The following PAPPA2 variants were observed in gnomAD, a reference collection of about 807,000 sequenced individuals.
The protein encoded by PAPPA2 is pappalysin 2, also known as pappalysin-2.
PAPPA2 carries 86 observed loss-of-function variants against 176.4 expected under a neutral mutation model. The ratio of observed to expected loss-of-function variants is 0.49; its 90% CI spans 0.41 to 0.58. PAPPA2 has a LOEUF of 0.58. Ranked by LOEUF, PAPPA2 falls within the 20% of genes least tolerant of loss-of-function variation. The pLI is 0.00. For synonymous variants in PAPPA2, 809 were observed against 852.2 expected, an observed-to-expected ratio of 0.95 and a Z score of 0.88; for missense variants, 2,073 against 2,256.9, an observed-to-expected ratio of 0.92 and a Z score of 1.65.
rs1256424020 is a variant in PAPPA2, at chr1:176,793,595, A to G, written c.5056A>G (p.Ser1686Gly). ...TTCCCCATTGTGTGTAATCCCCCCC[A>G]GTGACCCCGTGATGCTACCTGAGAA... ...VCSPLCVIPP[S>G]DPVMLPENIT... The change falls in exon 20 of 23, where the codon AGT (serine) becomes GGT (glycine). Residue 1686 changes from serine (S) to glycine (G), a missense_variant. By Grantham distance (56) the Ser-to-Gly change is moderately conservative. Transcript: ENST00000367662. 3 of 1,613,132 alleles carry G rather than the reference A, an allele frequency of 1.9e-6. No homozygotes were observed. The highest frequency in any genetic ancestry group is 1.7e-4 in the Middle Eastern group (1 of 6,044).
intron 2 of PAPPA2, among the ~76,000 whole-genome samples, chr1:176,564,857 A>AATT (rs1332545265): frequency 2.0e-5 from 3 of 151,868 alleles, no homozygotes; most frequent in East Asian, 3.9e-4. Flanking sequence ...TATCTCAATC[A>AATT]ATTATCTCAA....
chr1:176,520,481 A>G (rs535265515), intron 1 of PAPPA2, among the ~76,000 whole-genome samples: 29 of 152,350 alleles, frequency 1.9e-4, no homozygotes, highest in African/African-American at 6.3e-4. Flanking sequence ...CCAGTGATAC[A>G]TGGCTATCAC....
At chr1:176,724,710 T>G (rs1382598568) in intron 12 of PAPPA2, among the ~76,000 whole-genome samples, 1 of 152,206 alleles carries the variant, frequency 6.6e-6, no homozygotes, top group Non-Finnish European at 1.5e-5. Context: ...TGACTGTGAA[T>G]CTTCAACAGA....
At chr1:176,611,126 T>A (rs1654899815) in intron 3 of PAPPA2, among the ~76,000 whole-genome samples, 1 of 152,182 alleles carries the variant, frequency 6.6e-6, no homozygotes, top group South Asian at 2.1e-4. Flanking sequence ...ATTCTAAGAA[T>A]CATTTATATG....
intron 1 of PAPPA2, among the ~76,000 whole-genome samples, chr1:176,467,050 A>C (rs1207325918): frequency 2.6e-5 from 4 of 152,182 alleles, no homozygotes; most frequent in Non-Finnish European, 5.9e-5. Flanking sequence ...GGTCATGTGA[A>C]CATCACAGGG....
intron 1 of PAPPA2, among the ~76,000 whole-genome samples, chr1:176,464,788 G>A (rs924544616): frequency 9.2e-5 from 14 of 152,188 alleles, no homozygotes; most frequent in African/African-American, 3.4e-4. Flanking sequence ...CATATAAATA[G>A]TTTTTTAATT....
At chr1:176,718,287 G>A (rs1661462181) in intron 12 of PAPPA2, among the ~76,000 whole-genome samples, 1 of 151,976 alleles carries the variant, frequency 6.6e-6, no homozygotes, top group African/African-American at 2.4e-5. Flanking sequence ...TTTCACTCAT[G>A]CTATTGTTAA....
intron 3 of PAPPA2, among the ~76,000 whole-genome samples, chr1:176,625,153 G>A (rs1470930987): frequency 1.3e-5 from 2 of 152,170 alleles, no homozygotes; most frequent in Non-Finnish European, 2.9e-5. Flanking sequence ...AAGAAAGCCA[G>A]GGCTCACTCT....
intron 1 of PAPPA2, among the ~76,000 whole-genome samples, chr1:176,519,815 C>T (rs974415324): frequency 6.6e-6 from 1 of 152,116 alleles, no homozygotes; most frequent in East Asian, 1.9e-4. Flanking sequence ...CTTAACCAGA[C>T]AGTGAAGTTG....
intron 2 of PAPPA2, among the ~76,000 whole-genome samples, chr1:176,567,335 C>T (rs1456820835): frequency 6.6e-6 from 1 of 152,182 alleles, no homozygotes; most frequent in Non-Finnish European, 1.5e-5. Context: ...GAAGTATTGC[C>T]ATGGCAACTG....
At position 176,606,079 on chromosome 1, in the gene PAPPA2, A is replaced by G. The variant is rs976682278; in HGVS notation, c.1991+10484A>G. Among the ~76,000 whole-genome samples the G allele has an allele frequency of 6.6e-5, 10 of 151,524 alleles. No homozygotes were observed. The East Asian group carries it at 1.5e-3, about 23-fold the overall frequency. On this transcript the variant is annotated intron_variant, in intron 3 of 22. Transcript: ENST00000367662. ...TATATAATATTTTATATATATACAC[A>G]CACACATATATATATAATTATACCA...
chr1:176,796,615 C>CTTTT (rs111872688), intron 20 of PAPPA2, among the ~76,000 whole-genome samples: 1 of 99,060 alleles, frequency 1.0e-5, no homozygotes, highest in Non-Finnish European at 2.4e-5. Context: ...CTTTTCTTTT[C>CTTTT]TTTTCTTTCT....
chr1:176,613,636 C>A (rs1390073785), intron 3 of PAPPA2, among the ~76,000 whole-genome samples: 1 of 152,196 alleles, frequency 6.6e-6, no homozygotes, highest in Admixed American at 6.5e-5. Context: ...TCATAGATTT[C>A]TTTCCTAGTA....
intron 1 of PAPPA2, among the ~76,000 whole-genome samples, chr1:176,477,554 G>A (rs544912289): frequency 2.6e-5 from 4 of 152,180 alleles, no homozygotes; most frequent in Admixed American, 2.6e-4. Context: ...AGATCATCCT[G>A]GCCAACATGG....
intron 17 of PAPPA2, among the ~76,000 whole-genome samples, chr1:176,773,461 G>A (rs915979349): frequency 6.6e-6 from 1 of 152,150 alleles, no homozygotes; most frequent in African/African-American, 2.4e-5. Context: ...TCAATCCAGA[G>A]AGAATGGGCA....
intron 2 of PAPPA2, among the ~76,000 whole-genome samples, chr1:176,568,118 A>G (rs913094647): frequency 1.3e-5 from 2 of 152,214 alleles, no homozygotes; most frequent in African/African-American, 4.8e-5. Context: ...TCAGAAGTAG[A>G]TATGGGTTCA....
intron 17 of PAPPA2, among the ~76,000 whole-genome samples, chr1:176,788,016 C>T (rs1338381838): frequency 9.9e-5 from 15 of 151,778 alleles, no homozygotes; most frequent in African/African-American, 2.2e-4. Flanking sequence ...GCCGAGATCG[C>T]GCCATTGCAC....
chr1:176,718,281 A>G (rs1478224903), intron 12 of PAPPA2, among the ~76,000 whole-genome samples: 1 of 151,998 alleles, frequency 6.6e-6, no homozygotes, highest in African/African-American at 2.4e-5. Flanking sequence ...GATATTTTTC[A>G]CTCATGCTAT....
chr1:176,481,345 A>T (rs879514579), intron 1 of PAPPA2, among the ~76,000 whole-genome samples: 13 of 150,894 alleles, frequency 8.6e-5, no homozygotes, highest in Non-Finnish European at 1.8e-4. Context: ...CTGTCCTCCT[A>T]TGCCGGGGCC....
Sources: allele counts gnomAD v4.1 joint callset (sites outside exome capture counted in the v4.1 genomes callset), GRCh38; gene constraint gnomAD v4.1.1; transcripts MANE v1.5; gene names NCBI Gene and HGNC (gene_info 2026-07-23, HGNC 2026-07-21).